Variants in KLF13 observed in about 807,000 individuals in gnomAD.
KLF13 encodes the protein Krueppel-like factor 13.
In KLF13, 8 loss-of-function variants were observed where a neutral mutation model predicts 16.7. The ratio of observed to expected loss-of-function variants is 0.48; its 90% CI spans 0.28 to 0.87. KLF13 has a LOEUF of 0.87. Among genes scored for constraint, KLF13 ranks in the 40% least tolerant of loss-of-function variants. KLF13 has a pLI of 0.10. For missense variants in KLF13, 447 were observed against 452.2 expected (o/e 0.99, Z 0.10); for synonymous variants, 245 against 208.4 (o/e 1.18, Z -1.51).
chr15:31,424,009 A>G (rs966205585), intron 1 of KLF13, among the ~76,000 whole-genome samples: 2 of 152,216 alleles, frequency 1.3e-5, no homozygotes, highest in African/African-American at 4.8e-5. Flanking sequence ...AAATCTCTAG[A>G]AACATACAAC....
chr15:31,388,144 G>A (rs551783935), upstream of KLF13, among the ~76,000 whole-genome samples: 5 of 152,286 alleles, frequency 3.3e-5, no homozygotes, highest in African/African-American at 7.2e-5. Flanking sequence ...GGCCTGGGTG[G>A]TTATTATTCT....
At chr15:31,423,176 C>CGTGTATATACGT (rs149346729) in intron 1 of KLF13, among the ~76,000 whole-genome samples, 1 of 17,000 alleles carries the variant, frequency 5.9e-5, no homozygotes, top group African/African-American at 5.1e-4. Flanking sequence ...TATATATATA[C>CGTGTATATACGT]ATATATACGT....
At chr15:31,329,834 G>A (rs1175598537) in intron 1 of KLF13, among the ~76,000 whole-genome samples, 1 of 152,234 alleles carries the variant, frequency 6.6e-6, no homozygotes, top group African/African-American at 2.4e-5. Context: ...CGGCCTCCAA[G>A]TTGGAAGTGC....
chr15:31,336,947 C>T (rs555131425), intron 1 of KLF13, among the ~76,000 whole-genome samples: 1 of 152,322 alleles, frequency 6.6e-6, no homozygotes. Flanking sequence ...GAGTTAATGA[C>T]ATGGTTCCCA....
intron 1 of KLF13, among the ~76,000 whole-genome samples, chr15:31,360,888 G>T (rs1441612625): frequency 1.3e-5 from 2 of 152,214 alleles, no homozygotes; most frequent in Non-Finnish European, 2.9e-5. Flanking sequence ...AACTGAGCCT[G>T]CTGTGCACCT....
intron 1 of KLF13, among the ~76,000 whole-genome samples, chr15:31,329,022 C>T (rs2038776701): frequency 2.0e-5 from 3 of 152,022 alleles, no homozygotes; most frequent in Admixed American, 6.6e-5. Flanking sequence ...CTGAAGGCCC[C>T]TTTTTTTTAC....
chr15:31,333,210 T>A (rs2038864134), intron 1 of KLF13, among the ~76,000 whole-genome samples: 1 of 152,132 alleles, frequency 6.6e-6, no homozygotes, highest in South Asian at 2.1e-4. Flanking sequence ...AATACTAAAT[T>A]TCAAATAAGG....
chr15:31,423,090 C>T (rs370665619), intron 1 of KLF13, among the ~76,000 whole-genome samples: 9 of 135,002 alleles, frequency 6.7e-5, no homozygotes, highest in East Asian at 2.2e-4. Context: ...CATATATATA[C>T]GTATATATAC....
At position 31,414,082 on chromosome 15, in the gene KLF13, G is replaced by T. The variant is rs571700817; in HGVS notation, n.117+20391G>T. Among the ~76,000 whole-genome samples, 7 of 152,218 alleles carry T rather than the reference G, an allele frequency of 4.6e-5. No individual in the cohort carries two copies. In the South Asian group the frequency reaches 1.5e-3, roughly 32 times the overall value. ...CATATAAAAATAATACCACAGAAAT[G>T]GGGGACATGGAACAGGGCTGTATAG... On this transcript the variant is annotated intron_variant and non_coding_transcript_variant, in intron 1 of 1. Coordinates refer to the KLF13 transcript ENST00000558225.
chr15:31,433,130 G>A (rs1432245114), intron 1 of KLF13, among the ~76,000 whole-genome samples: 2 of 152,230 alleles, frequency 1.3e-5, no homozygotes, highest in Non-Finnish European at 2.9e-5. Flanking sequence ...GTTTGATCTT[G>A]TTGGGTCTTG....
chr15:31,364,805 C>T (rs1187236594), intron 1 of KLF13, among the ~76,000 whole-genome samples: 3 of 152,244 alleles, frequency 2.0e-5, no homozygotes, highest in Non-Finnish European at 4.4e-5. Flanking sequence ...ACCTGGACTT[C>T]CTGCGAAGCC....
intron 1 of KLF13, among the ~76,000 whole-genome samples, chr15:31,344,609 T>G (rs896423465): frequency 6.6e-6 from 1 of 152,136 alleles, no homozygotes. Flanking sequence ...TTCTGGACTG[T>G]GGGGGTTTGG....
intron 1 of KLF13, among the ~76,000 whole-genome samples, chr15:31,364,410 G>A (rs1295801628): frequency 2.0e-5 from 3 of 152,246 alleles, no homozygotes; most frequent in Admixed American, 2.0e-4. Flanking sequence ...ATAGTAGTGT[G>A]TGATCAGCGG....
At chr15:31,361,824 C>G (rs116304202) in intron 1 of KLF13, among the ~76,000 whole-genome samples, 36 of 138,014 alleles carry the variant, frequency 2.6e-4, no homozygotes, top group Non-Finnish European at 3.9e-4. Flanking sequence ...CCCCACCCCC[C>G]ACCCCAGACG....
chr15:31,362,481 A>T (rs1040924237), intron 1 of KLF13, among the ~76,000 whole-genome samples: 34 of 152,222 alleles, frequency 2.2e-4, no homozygotes, highest in African/African-American at 8.0e-4. Flanking sequence ...TCTTGGGGTA[A>T]TATGAGGAAC....
intron 1 of KLF13, among the ~76,000 whole-genome samples, chr15:31,346,661 G>T (rs115450730): frequency 2.0e-5 from 3 of 152,208 alleles, no homozygotes; most frequent in Non-Finnish European, 4.4e-5. Flanking sequence ...CTTCACTTCC[G>T]TATCTTTCTT....
chr15:31,353,046 A>G (rs2039241044), intron 1 of KLF13, among the ~76,000 whole-genome samples: 1 of 151,958 alleles, frequency 6.6e-6, no homozygotes. Flanking sequence ...TGGGCCTTCC[A>G]GGGGAGGAGG....
At chr15:31,353,781 G>T (rs549171233) in intron 1 of KLF13, among the ~76,000 whole-genome samples, 1 of 152,154 alleles carries the variant, frequency 6.6e-6, no homozygotes, top group Non-Finnish European at 1.5e-5. Context: ...CAAGCCTGGG[G>T]CAGGGGGCTC....
chr15:31,351,913 T>A (rs1215226883), intron 1 of KLF13, among the ~76,000 whole-genome samples: 1 of 151,566 alleles, frequency 6.6e-6, no homozygotes, highest in Non-Finnish European at 1.5e-5. Context: ...CTGAGGAGGC[T>A]GAGGCAGAGA....
Sources: gnomAD v4.1 joint callset for allele counts (sites outside exome capture counted in the v4.1 genomes callset) on GRCh38, gnomAD v4.1.1 for gene constraint, MANE v1.5 for transcripts, NCBI Gene and HGNC (gene_info 2026-07-23, HGNC 2026-07-21) for gene names.